TELO2: variants seen among roughly 807,000 people sequenced by gnomAD.
TELO2 encodes telomere length regulation protein TEL2 homolog.
A neutral mutation model predicts 91.0 loss-of-function variants in TELO2; 71 were observed. That is an observed-to-expected ratio of 0.78 (90% CI 0.64 to 0.95). TELO2 has a LOEUF of 0.95. Among genes scored for constraint, TELO2 ranks in the 40% least tolerant of loss-of-function variants. The pLI is 0.00. For synonymous variants in TELO2, 584 were observed against 518.9 expected, an observed-to-expected ratio of 1.13 and a Z score of -1.71; for missense variants, 1,183 against 1,141.3, an observed-to-expected ratio of 1.04 and a Z score of -0.53.
Position 1,500,685 on chromosome 16 carries a change from C to A in TELO2, c.1267C>A (p.Pro423Thr). 1 of 1,612,454 alleles carries A rather than the reference C, an allele frequency of 6.2e-7. No individual in the cohort carries two copies. Among genetic ancestry groups the A allele is most frequent in the Non-Finnish European group, 8.5e-7 (1 of 1,179,822 alleles). Residue 423 changes from proline to threonine, a missense_variant, in exon 9 of 21, where the codon CCC (proline) becomes ACC (threonine). By Grantham distance (38) the Pro-to-Thr change is conservative. Transcript: ENST00000262319. The stretch of plus-strand genomic sequence containing the variant: ...TGCCCGGATCCACCCCGAGGGGCCT[C>A]CCCTGAAATTCCAGGTGAGCGGGCC... ...VSARIHPEGP[P>T]LKFQYEEDEL...
chr16:1,501,563 C>A (rs776006764), intron 10 of TELO2, 64 bp downstream of exon 10: 11 of 1,568,312 alleles, frequency 7.0e-6, no homozygotes, highest in East Asian at 2.3e-5. Flanking sequence ...ATTCCGCTGC[C>A]GGGATGGGAG....
intron 9 of TELO2, 84 bp from the exon 10 acceptor site, chr16:1,501,336 A>G (rs1412762898): frequency 6.9e-7 from 1 of 1,447,718 alleles, no homozygotes. Context: ...GGGAGGCCAC[A>G]GTGGGGAGTG....
intron 14 of TELO2, 33 bp from the exon 15 acceptor site, chr16:1,502,892 AGGTCCC>A (rs2039751607): frequency 6.2e-7 from 1 of 1,607,626 alleles, no homozygotes. Flanking sequence ...GGTGGCCCTC[AGGTCCC>A]GGACCACAGC....
At chr16:1,502,447 G>C (rs200693757) in intron 13 of TELO2, 43 bp downstream of exon 13, 1 of 1,558,106 alleles carries the variant, frequency 6.4e-7, no homozygotes, top group East Asian at 2.3e-5. Context: ...CAAGATGGTA[G>C]CTCCCTCAAT....
chr16:1,509,828 A>T lies in TELO2; in HGVS notation c.2408-2A>T. ...GCTTTGCTTGTCACTCTCGTCTGGCAGACGTGGCTGAGAAAGACCCGGACG... is the reference window on the plus strand; with the variant it reads ...GCTTTGCTTGTCACTCTCGTCTGGCTGACGTGGCTGAGAAAGACCCGGACG... On this transcript the variant is annotated splice_acceptor_variant, in intron 20 of 20. Coordinates refer to ENST00000262319, the MANE Select transcript of TELO2 (RefSeq NM_016111.4). LOFTEE classifies it high-confidence loss of function. The T allele has an allele frequency of 6.2e-7, 1 of 1,610,626 alleles. No individual in the cohort carries two copies.
Position 1,494,444 on chromosome 16 carries a change from G to A in TELO2, c.163G>A (p.Ala55Thr), listed in dbSNP as rs769461559. The change falls in exon 2 of 21, where the codon GCC (alanine) becomes ACC (threonine). Residue 55 changes from alanine to threonine, a missense_variant. Coordinates refer to ENST00000262319, the MANE Select transcript of TELO2 (RefSeq NM_016111.4). The surrounding 1 kb of genome is among the most constrained non-coding windows in gnomAD (Gnocchi z 5.6). ...PALPREKEEF[A>T]SAHFSPVLRC... is the part of the protein sequence containing the mutation. ...GCTCCCGAGGGAGAAGGAGGAGTTTGCCTCGGCCCACTTCTCGCCTGTCCT... is the reference window on the plus strand; with the variant it reads ...GCTCCCGAGGGAGAAGGAGGAGTTTACCTCGGCCCACTTCTCGCCTGTCCT... 2 of 1,613,480 alleles carry A rather than the reference G, an allele frequency of 1.2e-6. No homozygotes were observed. Among genetic ancestry groups the A allele is most frequent in the South Asian group, 1.1e-5 (1 of 91,064 alleles).
At position 1,494,768 on chromosome 16, in the gene TELO2, G is replaced by A; in HGVS notation, c.335+152G>A. The A allele has an allele frequency of 1.1e-6, 1 of 896,994 alleles. No homozygotes were observed. Among genetic ancestry groups the A allele is most frequent in the African/African-American group, 1.7e-5 (1 of 59,500 alleles). 55.6% of individuals were successfully genotyped at this position (896,994 alleles called of 1,614,324 possible). On this transcript the variant is annotated intron_variant, in intron 2 of 20. Coordinates refer to ENST00000262319, the MANE Select transcript of TELO2 (RefSeq NM_016111.4). The surrounding 1 kb of genome is among the most constrained non-coding windows in gnomAD (Gnocchi z 5.6). ...AACCCCTGAACAGAAGAAGCGGTCT[G>A]TGTCTGTCTCCTTTGCGACGGGAGG...
chr16:1,497,230 T>C lies in TELO2; in HGVS notation c.682+126T>C. 2.7e-6 allele frequency: 4 copies of C among 1,498,356 alleles called. No homozygotes were observed. The highest frequency in any genetic ancestry group is 3.6e-6 in the Non-Finnish European group (4 of 1,114,276). 92.8% of individuals were successfully genotyped at this position (1,498,356 alleles called of 1,614,324 possible). ...AGGGTCCCCTTGCCCGGTCCTGTCCTGGGCCCGTGGGATCTGGGGCTCAGC... is the reference window on the plus strand; with the variant it reads ...AGGGTCCCCTTGCCCGGTCCTGTCCCGGGCCCGTGGGATCTGGGGCTCAGC... On this transcript the variant is annotated intron_variant, in intron 4 of 20. Coordinates refer to ENST00000262319, the MANE Select transcript of TELO2 (RefSeq NM_016111.4). The surrounding 1 kb of genome is among the most constrained non-coding windows in gnomAD (Gnocchi z 4.0).
chr16:1,505,654 G>GT lies in TELO2; in HGVS notation c.2034+53_2034+54insT. The GT allele has an allele frequency of 1.1e-4, 74 of 666,418 alleles. No individual in the cohort carries two copies. The highest frequency in any genetic ancestry group is 1.6e-4 in the Non-Finnish European group (61 of 378,850). 41.3% of individuals were successfully genotyped at this position (666,418 alleles called of 1,614,324 possible). A position where few individuals can be genotyped will look rare whatever the true frequency, so the allele number is the denominator to read the frequency against. On this transcript the variant is annotated intron_variant, in intron 16 of 20. Coordinates refer to ENST00000262319, the MANE Select transcript of TELO2 (RefSeq NM_016111.4). This position sits in a 1 kb window ranked among gnomAD's most constrained non-coding sequence, Gnocchi z 4.3. ...GGGCATGGGGACCGTGGGTGGGTGG[G>GT]AAGGGCGGTCAGACACCTCCAGGCG...
Position 1,499,326 on chromosome 16 carries a change from G to A in TELO2, c.926G>A (p.Arg309Gln), listed in dbSNP as rs144312433. Residue 309 changes from arginine to glutamine, a missense_variant, in exon 6 of 21, where the codon CGG becomes CAG. Arg to Gln is a conservative substitution (Grantham distance 43). Coordinates refer to ENST00000262319, the MANE Select transcript of TELO2 (RefSeq NM_016111.4). Reference sequence around the variant, plus strand: ...CAGAAGCTTCTGTTCTTACAGTCCCGGCTCACGGTGAGGACGCCACGGAGG... The same window carrying A: ...CAGAAGCTTCTGTTCTTACAGTCCCAGCTCACGGTGAGGACGCCACGGAGG... Reference protein sequence around the residue: ...MTQKLLFLQSRLTTPMLQSLL... With the variant: ...MTQKLLFLQSQLTTPMLQSLL... 19 of 1,601,184 alleles carry A rather than the reference G, an allele frequency of 1.2e-5. No homozygotes were observed. The highest frequency in any genetic ancestry group is 6.8e-5 in the Admixed American group (4 of 59,014).
intron 3 of TELO2, 111 bp downstream of exon 3, chr16:1,495,734 GCC>G: frequency 7.0e-7 from 1 of 1,427,098 alleles, no homozygotes; most frequent in Non-Finnish European, 9.3e-7. Flanking sequence ...TCTGGTTGAT[GCC>G]GTCAGGCAGG....
Position 1,506,293 on chromosome 16 carries a change from GC to G in TELO2, c.2092del (p.His698ThrfsTer15). 6.2e-7 allele frequency: 1 copy of G among 1,614,064 alleles called. No homozygotes were observed. The highest frequency in any genetic ancestry group is 1.1e-5 in the South Asian group (1 of 91,088). On this transcript the variant is annotated frameshift_variant, in exon 17 of 21. Coordinates refer to ENST00000262319, the MANE Select transcript of TELO2 (RefSeq NM_016111.4). LOFTEE classifies it high-confidence loss of function. ...CCCAGCAGATTCAACTCCGTGGCCG[GC>G]CACTTCTTCTTCCCCCTCCTTCAGC... is the stretch of plus-strand genomic sequence containing the variant. ...GSPSRFNSVA[G>X]HFFFPLLQRF...
intron 3 of TELO2, 100 bp from the exon 4 acceptor site, chr16:1,496,936 C>G (rs564681639): frequency 1.7e-6 from 2 of 1,195,466 alleles, no homozygotes; most frequent in African/African-American, 1.5e-5. Context: ...GTTTTGCTGT[C>G]GGTTGGAGTC....
intron 15 of TELO2, among the ~76,000 whole-genome samples, chr16:1,503,977 G>GAA (rs1237489899): frequency 6.6e-6 from 1 of 151,778 alleles, no homozygotes. Flanking sequence ...TCCACCAGAA[G>GAA]AAAATTAGCT....
At position 1,497,967 on chromosome 16, in the gene TELO2, A is replaced by G. The variant is rs545950420; in HGVS notation, c.830+459A>G. On this transcript the variant is annotated intron_variant, in intron 5 of 20. Coordinates refer to ENST00000262319, the MANE Select transcript of TELO2 (RefSeq NM_016111.4). The surrounding 1 kb of genome is among the most constrained non-coding windows in gnomAD (Gnocchi z 4.0). The stretch of plus-strand genomic sequence containing the variant: ...GCCTCAGATGTCTCCCCTCCCTTCA[A>G]CGTGTGCAAGGACATACCTGTCTCT... 6.7e-6 allele frequency among the ~76,000 whole-genome samples: 1 copy of G among 149,728 alleles called. No individual in the cohort carries two copies. The highest frequency in any genetic ancestry group is 2.0e-4 in the East Asian group (1 of 5,098).
At position 1,505,652 on chromosome 16, in the gene TELO2, G is replaced by T. The variant is rs1326884613; in HGVS notation, c.2034+51G>T. 6.8e-7 allele frequency: 1 copy of T among 1,475,474 alleles called. No individual in the cohort carries two copies. Among genetic ancestry groups the T allele is most frequent in the African/African-American group, 1.4e-5 (1 of 70,874 alleles). The allele number at this position is 1,475,474 out of a possible 1,614,324, so 91.4% of individuals were successfully genotyped here. A position where few individuals can be genotyped will look rare whatever the true frequency, so the allele number is the denominator to read the frequency against. On this transcript the variant is annotated intron_variant, in intron 16 of 20. Coordinates refer to ENST00000262319, the MANE Select transcript of TELO2 (RefSeq NM_016111.4). This position sits in a 1 kb window ranked among gnomAD's most constrained non-coding sequence, Gnocchi z 4.3. Reference sequence around the variant, plus strand: ...ACGGGCATGGGGACCGTGGGTGGGTGGGAAGGGCGGTCAGACACCTCCAGG... The same window carrying T: ...ACGGGCATGGGGACCGTGGGTGGGTTGGAAGGGCGGTCAGACACCTCCAGG...
At position 1,503,586 on chromosome 16, in the gene TELO2, T is replaced by C. The variant is rs563819217; in HGVS notation, c.1842+584T>C. Among the ~76,000 whole-genome samples, 123 of 152,316 alleles carry C rather than the reference T, an allele frequency of 8.1e-4. 1 individual carries two copies. Among genetic ancestry groups the C allele is most frequent in the African/African-American group, 2.7e-3 (111 of 41,578 alleles). On this transcript the variant is annotated intron_variant, in intron 15 of 20. Coordinates refer to ENST00000262319, the MANE Select transcript of TELO2 (RefSeq NM_016111.4). ...GACTCTGATACGCACTGCCACACGA[T>C]GAGCCTTGAGAACATTTAGTTAAAG...
At chr16:1,504,706 C>G (rs890920608) in intron 15 of TELO2, among the ~76,000 whole-genome samples, 1 of 151,168 alleles carries the variant, frequency 6.6e-6, no homozygotes. Flanking sequence ...TACAGGCGCC[C>G]GCCACCACGC....
chr16:1,503,897 C>G (rs114292721), intron 15 of TELO2, among the ~76,000 whole-genome samples: 1 of 151,340 alleles, frequency 6.6e-6, no homozygotes, highest in Non-Finnish European at 1.5e-5. Flanking sequence ...TGTGGGAGAC[C>G]AAAGTGGGAG....
Sources: gnomAD v4.1 joint callset for allele counts (sites outside exome capture counted in the v4.1 genomes callset) on GRCh38, gnomAD v4.1.1 for gene constraint, Gnocchi (gnomAD v3.1) non-coding constraint, MANE v1.5 for transcripts, NCBI Gene and HGNC (gene_info 2026-07-23, HGNC 2026-07-21) for gene names.